The following ABLIM3 variants were observed in gnomAD, a reference collection of about 807,000 sequenced individuals.
ABLIM3 encodes the protein actin-binding LIM protein 3.
ABLIM3 carries 61 observed loss-of-function variants against 109.5 expected under a neutral mutation model. The observed-to-expected ratio is 0.56, with a 90% CI of 0.45 to 0.69. The LOEUF is 0.69. ABLIM3 is among the 30% of genes least tolerant of loss of function. The pLI is 0.00. For missense variants in ABLIM3, 796 were observed against 889.5 expected, an observed-to-expected ratio of 0.89 and a Z score of 1.34; for synonymous variants, 300 against 324.8, an observed-to-expected ratio of 0.92 and a Z score of 0.82.
intron 15 of ABLIM3, chr5:149,244,602 C>A (rs1293576102): frequency 2.2e-6 from 1 of 454,488 alleles, no homozygotes; most frequent in African/African-American, 2.0e-5. Flanking sequence ...TGGAAAGAGC[C>A]CTGGGCTGGG....
intron 10 of ABLIM3, among the ~76,000 whole-genome samples, chr5:149,235,273 CA>C (rs1027571899): frequency 3.9e-5 from 6 of 152,210 alleles, no homozygotes; most frequent in Admixed American, 3.9e-4. Context: ...TGGATAGATG[CA>C]ATAACAAGCA....
chr5:149,155,989 GC>G (rs1272286681), intron 2 of ABLIM3, among the ~76,000 whole-genome samples: 2 of 152,224 alleles, frequency 1.3e-5, no homozygotes, highest in African/African-American at 4.8e-5. Flanking sequence ...GCATCAGAGG[GC>G]CTGGAGGCAG....
At chr5:149,206,247 G>A (rs899094107) in intron 5 of ABLIM3, among the ~76,000 whole-genome samples, 2 of 152,174 alleles carry the variant, frequency 1.3e-5, no homozygotes, top group Non-Finnish European at 2.9e-5. Flanking sequence ...CAGGGTGACC[G>A]TGTCAGGGAG....
chr5:149,166,807 C>G (rs1437513484), intron 2 of ABLIM3, among the ~76,000 whole-genome samples: 2 of 152,224 alleles, frequency 1.3e-5, no homozygotes, highest in Admixed American at 6.5e-5. Context: ...GTTGCAACTA[C>G]TCAACTCCAC....
At chr5:149,180,649 T>A (rs1486156861) in intron 2 of ABLIM3, among the ~76,000 whole-genome samples, 3 of 152,212 alleles carry the variant, frequency 2.0e-5, no homozygotes, top group Non-Finnish European at 4.4e-5. Flanking sequence ...TTCATACAGT[T>A]GTATGGTGTA....
chr5:149,242,441 C>T, intron 14 of ABLIM3, 50 bp from the exon 15 acceptor site: 1 of 1,577,340 alleles, frequency 6.3e-7, no homozygotes, highest in Non-Finnish European at 8.7e-7. Context: ...CCCTTTTCTC[C>T]TGTCTCTCTC....
intron 5 of ABLIM3, among the ~76,000 whole-genome samples, chr5:149,203,702 CATT>C (rs72371258): frequency 0.32 from 48,009 of 151,806 alleles, 7,901 homozygotes; most frequent in East Asian, 0.52. Context: ...CCATCACCAC[CATT>C]ATTATTACCA....
At chr5:149,240,630 C>T (rs1255720212) in intron 13 of ABLIM3, 46 bp from the exon 14 acceptor site, 2 of 1,500,704 alleles carry the variant, frequency 1.3e-6, no homozygotes, top group Non-Finnish European at 9.3e-7. Context: ...TGCCTGTTTT[C>T]TCTGTGCCTC....
At position 149,207,123 on chromosome 5, in the gene ABLIM3, G is replaced by T. The variant is rs1243512864; in HGVS notation, c.564G>T (p.Glu188Asp). The T allele has an allele frequency of 1.9e-6, 3 of 1,613,588 alleles. No individual in the cohort carries two copies. The highest frequency in any genetic ancestry group is 8.5e-7 in the Non-Finnish European group (1 of 1,179,714). Residue 188 changes from glutamate (E) to aspartate (D), a missense_variant, in exon 6 of 24, where the codon GAG becomes GAT. Coordinates refer to ENST00000309868, the MANE Select transcript of ABLIM3 (RefSeq NM_014945.5). ...CQTCSVILTGEYISKDGVPYC... is the reference protein window; with the variant it reads ...CQTCSVILTGDYISKDGVPYC... ...CCTGCAGCGTCATCCTCACCGGGGA[G>T]TATATCAGCAAGTGGGTCCCCCTGC...
chr5:149,200,484 C>A, intron 5 of ABLIM3, 56 bp downstream of exon 5: 2 of 1,564,216 alleles, frequency 1.3e-6, no homozygotes, highest in East Asian at 2.3e-5. Context: ...TCTGGGCTCC[C>A]CTTTCCCAGC....
intron 2 of ABLIM3, among the ~76,000 whole-genome samples, chr5:149,160,296 A>C (rs1754226828): frequency 1.3e-5 from 2 of 152,060 alleles, no homozygotes; most frequent in South Asian, 4.2e-4. Context: ...CTCTACTAAA[A>C]AAAATTACAA....
chr5:149,190,537 G>T (rs58590293), intron 3 of ABLIM3, among the ~76,000 whole-genome samples: 3 of 151,856 alleles, frequency 2.0e-5, no homozygotes, highest in African/African-American at 7.3e-5. Context: ...AAAATTAGCC[G>T]GGCATGGTGG....
intron 2 of ABLIM3, among the ~76,000 whole-genome samples, chr5:149,176,543 A>G (rs1755945018): frequency 6.6e-6 from 1 of 152,048 alleles, no homozygotes; most frequent in African/African-American, 2.4e-5. Context: ...GCCGTTTACT[A>G]ACTGTGTGAC....
intron 20 of ABLIM3, among the ~76,000 whole-genome samples, chr5:149,250,963 T>G (rs574867130): frequency 1.1e-3 from 171 of 152,206 alleles, no homozygotes; most frequent in African/African-American, 3.9e-3. Context: ...GCCTCTAACA[T>G]GGCCTGTACA....
intron 3 of ABLIM3, among the ~76,000 whole-genome samples, chr5:149,197,479 A>G (rs567645014): frequency 1.3e-5 from 2 of 152,168 alleles, no homozygotes; most frequent in African/African-American, 4.8e-5. Flanking sequence ...TTTTTTCTAT[A>G]TGATCTTCTC....
chr5:149,233,911 G>T (rs1016183904), intron 10 of ABLIM3, among the ~76,000 whole-genome samples: 1 of 152,208 alleles, frequency 6.6e-6, no homozygotes, highest in African/African-American at 2.4e-5. Context: ...GGATGTAGAA[G>T]AAGAGACAGA....
chr5:149,249,687 G>A, intron 18 of ABLIM3, 128 bp from the exon 19 acceptor site: 1 of 999,414 alleles, frequency 1.0e-6, no homozygotes, highest in African/African-American at 1.6e-5. Context: ...AGGGGCTGCA[G>A]GAGGCCCCTT....
At chr5:149,175,895 G>T (rs1755882351) in intron 2 of ABLIM3, among the ~76,000 whole-genome samples, 1 of 152,094 alleles carries the variant, frequency 6.6e-6, no homozygotes, top group Admixed American at 6.5e-5. Flanking sequence ...TCTGAAGAAG[G>T]CAGCACGAGC....
Position 149,247,987 on chromosome 5 carries a change from G to C in ABLIM3, c.1699+58G>C. On this transcript the variant is annotated intron_variant, in intron 18 of 23. Coordinates refer to ENST00000309868, the MANE Select transcript of ABLIM3 (RefSeq NM_014945.5). ...GGACACCTTTCTCTGTGACTAGCTG[G>C]CAGTGTCAGCTGTTTGCTCTGAGCC... The C allele has an allele frequency of 1.9e-6, 3 of 1,567,718 alleles. No individual in the cohort carries two copies. The South Asian group carries it at 3.5e-5, about 18-fold the overall frequency.
Sources: allele counts gnomAD v4.1 joint callset (sites outside exome capture counted in the v4.1 genomes callset), GRCh38; gene constraint gnomAD v4.1.1; transcripts MANE v1.5; gene names NCBI Gene and HGNC (gene_info 2026-07-23, HGNC 2026-07-21).